The following RAB10 variants were observed in gnomAD, a reference collection of about 807,000 sequenced individuals.
RAB10 encodes the protein ras-related protein Rab-10.
In RAB10, 5 loss-of-function variants were observed where a neutral mutation model predicts 25.7. The observed-to-expected ratio is 0.19, with a 90% CI of 0.10 to 0.41. RAB10 has a LOEUF of 0.41. Ranked by LOEUF, RAB10 falls within the 10% of genes least tolerant of loss-of-function variation. The probability of loss-of-function intolerance (pLI) is 1.00; values close to 1 mark genes in which losing one functional copy is unlikely to be tolerated. For synonymous variants in RAB10, 89 were observed against 86.4 expected (o/e 1.03, Z -0.16); for missense variants, 103 against 245.8 (o/e 0.42, Z 3.89).
rs185090831 is a variant in RAB10 at position 26,047,529 on chromosome 2, G to T, written c.127+12794G>T. ...CTCCCAGGTTCAAGTGATTCTCCTC[G>T]CCTCAGCCTCCTGAGTAGCTGGGAT... On this transcript the variant is annotated intron_variant, in intron 1 of 5. Coordinates refer to ENST00000264710, the MANE Select transcript of RAB10 (RefSeq NM_016131.5). 3.7e-3 allele frequency among the ~76,000 whole-genome samples: 549 copies of T among 149,422 alleles called. 8 individuals are homozygous for T. In the South Asian group the frequency reaches 0.041, roughly 11 times the overall value.
chr2:26,034,713 T>C lies in RAB10; in HGVS notation c.105T>C (p.Asn35=). Reference sequence around the variant, plus strand: ...TTCGTTTTTCGGATGATGCCTTCAATACTACCTTTATTTCCACCATAGGTA... The same window carrying C: ...TTCGTTTTTCGGATGATGCCTTCAACACTACCTTTATTTCCACCATAGGTA... The part of the protein sequence containing the change: ...VLFRFSDDAF[N]TTFISTIGID... The change falls in exon 1 of 6, where the codon AAT becomes AAC. Residue 35 remains asparagine (N), a synonymous_variant. Transcript: ENST00000264710. The C allele has an allele frequency of 6.2e-7, 1 of 1,614,220 alleles. No individual in the cohort carries two copies. Among genetic ancestry groups the C allele is most frequent in the Non-Finnish European group, 8.5e-7 (1 of 1,180,028 alleles).
intron 1 of RAB10, among the ~76,000 whole-genome samples, chr2:26,065,088 A>G (rs756996406): frequency 1.3e-5 from 2 of 152,160 alleles, no homozygotes; most frequent in African/African-American, 4.8e-5. Flanking sequence ...AGTTTGGATA[A>G]TAAGTCACAT....
At chr2:26,033,552 G>C (rs1170013942), upstream of RAB10, among the ~76,000 whole-genome samples, 2 of 152,236 alleles carry the variant, frequency 1.3e-5, no homozygotes, top group South Asian at 2.1e-4. Context: ...GAGGCGTCTC[G>C]TTCTAGCAAA....
chr2:26,128,307 A>G (rs375406831), intron 5 of RAB10, among the ~76,000 whole-genome samples: 18 of 152,190 alleles, frequency 1.2e-4, no homozygotes, highest in Non-Finnish European at 1.3e-4. Flanking sequence ...AGCTCAGGTA[A>G]TAATGCTCAC....
intron 1 of RAB10, among the ~76,000 whole-genome samples, chr2:26,097,931 T>C (rs557602197): frequency 6.6e-6 from 1 of 152,308 alleles, no homozygotes; most frequent in East Asian, 1.9e-4. Context: ...CATTATGAAA[T>C]GACCCTCTAT....
chr2:26,086,982 G>A (rs904101243), intron 1 of RAB10, among the ~76,000 whole-genome samples: 1 of 152,196 alleles, frequency 6.6e-6, no homozygotes, highest in Non-Finnish European at 1.5e-5. Context: ...GGGAGAATGG[G>A]AAGCTGCTGA....
intron 1 of RAB10, among the ~76,000 whole-genome samples, chr2:26,075,378 G>C (rs1410675942): frequency 6.6e-6 from 1 of 152,048 alleles, no homozygotes. Flanking sequence ...GATACTGTTT[G>C]AAGATACTTC....
chr2:26,034,148 C>T lies in RAB10; in HGVS notation c.-461C>T, dbSNP rs186759454. 108 of 406,718 alleles carry T rather than the reference C, an allele frequency of 2.7e-4. 1 individual carries two copies. The highest frequency in any genetic ancestry group is 1.7e-3 in the African/African-American group (85 of 48,808). The allele number at this position is 406,718 out of a possible 1,614,324, so 25.2% of individuals were successfully genotyped here. ...GAAAAGGTGGCTCTGGCCGGGGTGG[C>T]TCGGTTTCCTGGGGCTATGTAACTG... On this transcript the variant is annotated 5_prime_UTR_variant, in exon 1 of 6. Transcript: ENST00000264710.
intron 1 of RAB10, among the ~76,000 whole-genome samples, chr2:26,072,235 G>T (rs1028407276): frequency 6.6e-6 from 1 of 152,106 alleles, no homozygotes; most frequent in Non-Finnish European, 1.5e-5. Context: ...TGGCCAACAT[G>T]GTGAAACTGG....
At chr2:26,128,367 G>A (rs1667944333) in intron 5 of RAB10, among the ~76,000 whole-genome samples, 1 of 152,158 alleles carries the variant, frequency 6.6e-6, no homozygotes, top group Non-Finnish European at 1.5e-5. Context: ...AACAGGCCAC[G>A]GACCGGTAAG....
At chr2:26,077,328 T>C (rs967558118) in intron 1 of RAB10, among the ~76,000 whole-genome samples, 20 of 152,240 alleles carry the variant, frequency 1.3e-4, no homozygotes, top group African/African-American at 4.6e-4. Flanking sequence ...ACACATCTTT[T>C]GTGCATAGAG....
At chr2:26,110,299 C>T (rs1667543092) in intron 3 of RAB10, among the ~76,000 whole-genome samples, 1 of 145,662 alleles carries the variant, frequency 6.9e-6, no homozygotes, top group African/African-American at 2.6e-5. Context: ...GATTGCGCCA[C>T]TGCACTCCAG....
At chr2:26,035,425 C>G (rs1439169513) in intron 1 of RAB10, among the ~76,000 whole-genome samples, 2 of 152,098 alleles carry the variant, frequency 1.3e-5, no homozygotes, top group Non-Finnish European at 2.9e-5. Flanking sequence ...TTATTTGACT[C>G]TAGTATTTAC....
intron 3 of RAB10, among the ~76,000 whole-genome samples, chr2:26,123,132 C>G (rs558459698): frequency 6.6e-6 from 1 of 152,266 alleles, no homozygotes; most frequent in South Asian, 2.1e-4. Flanking sequence ...CACTGAGAAT[C>G]CTTTTTCTGG....
At chr2:26,128,591 C>G (rs1302511197) in intron 5 of RAB10, among the ~76,000 whole-genome samples, 2 of 132,080 alleles carry the variant, frequency 1.5e-5, no homozygotes, top group Non-Finnish European at 3.2e-5. Flanking sequence ...ACTTTGCATT[C>G]TCAAAGATAA....
chr2:26,033,362 T>G (rs1371313100), upstream of RAB10, among the ~76,000 whole-genome samples: 2 of 152,218 alleles, frequency 1.3e-5, no homozygotes, highest in African/African-American at 2.4e-5. Flanking sequence ...AGGTTCTTCC[T>G]GCGCCCAGGT....
At chr2:26,108,821 G>A (rs1038894576) in intron 2 of RAB10, among the ~76,000 whole-genome samples, 1 of 151,994 alleles carries the variant, frequency 6.6e-6, no homozygotes, top group African/African-American at 2.4e-5. Context: ...ATATTAACTC[G>A]AAAGAGGAGC....
chr2:26,110,090 A>G (rs956509160), intron 3 of RAB10, among the ~76,000 whole-genome samples, 184 bp downstream of exon 3: 1 of 152,102 alleles, frequency 6.6e-6, no homozygotes, highest in African/African-American at 2.4e-5. Context: ...TAATCCCAGC[A>G]CTTTGGGAGG....
At chr2:26,069,948 C>T (rs1328044150) in intron 1 of RAB10, among the ~76,000 whole-genome samples, 1 of 152,192 alleles carries the variant, frequency 6.6e-6, no homozygotes. Flanking sequence ...CTCAAGTGAT[C>T]TGCCCTCCCC....
Sources: allele counts gnomAD v4.1 joint callset (sites outside exome capture counted in the v4.1 genomes callset), GRCh38; gene constraint gnomAD v4.1.1; transcripts MANE v1.5; gene names NCBI Gene and HGNC (gene_info 2026-07-23, HGNC 2026-07-21).